TRARG1: variants seen among roughly 807,000 people sequenced by gnomAD.
The protein encoded by TRARG1 is trafficking regulator of GLUT4 1.
In TRARG1, 16 loss-of-function variants were observed where a neutral mutation model predicts 13.3. The ratio of observed to expected loss-of-function variants is 1.20; its 90% confidence interval spans 0.81 to 1.83. The LOEUF (loss-of-function observed/expected upper bound fraction) is 1.83, where lower values mean the gene tolerates loss of function less well. Among genes scored for constraint, TRARG1 ranks in the 40% most tolerant of loss-of-function variants. The pLI is 0.00. For missense variants in TRARG1, 250 were observed against 237.4 expected (o/e 1.05, Z -0.35); for synonymous variants, 113 against 106.2 (o/e 1.06, Z -0.39).
intron 1 of TRARG1, among the ~76,000 whole-genome samples, chr17:1,282,258 A>G (rs2071985724): frequency 1.4e-5 from 2 of 143,970 alleles, no homozygotes; most frequent in Admixed American, 6.7e-5. Context: ...ATATGTACGT[A>G]TATGTACATA....
intron 1 of TRARG1, 140 bp from the exon 2 acceptor site, chr17:1,295,351 C>T (rs2072103065): frequency 8.9e-7 from 1 of 1,125,426 alleles, no homozygotes; most frequent in Non-Finnish European, 1.2e-6. Context: ...TCTTCCTCTC[C>T]CCTAGAGTGT....
chr17:1,287,206 G>A (rs2072030982), intron 1 of TRARG1, among the ~76,000 whole-genome samples: 1 of 151,874 alleles, frequency 6.6e-6, no homozygotes, highest in South Asian at 2.1e-4. Context: ...GTGTAGTTGT[G>A]GAAATGAATT....
chr17:1,290,131 C>G (rs1390063211), intron 1 of TRARG1, among the ~76,000 whole-genome samples: 1 of 152,216 alleles, frequency 6.6e-6, no homozygotes, highest in Admixed American at 6.5e-5. Context: ...CTACTTCCTT[C>G]CAGTCTTTGA....
chr17:1,289,793 C>G (rs1190802642), intron 1 of TRARG1, among the ~76,000 whole-genome samples: 1 of 152,112 alleles, frequency 6.6e-6, no homozygotes, highest in Non-Finnish European at 1.5e-5. Context: ...TTATCCAAGT[C>G]CAGCTACATA....
At chr17:1,281,320 C>T (rs866834206) in intron 1 of TRARG1, among the ~76,000 whole-genome samples, 2 of 151,696 alleles carry the variant, frequency 1.3e-5, no homozygotes, top group South Asian at 2.1e-4. Flanking sequence ...AGGTCAGGGG[C>T]AGGGGGTAGA....
At chr17:1,280,410 AG>A in intron 1 of TRARG1, 22 bp downstream of exon 1, 1 of 1,551,286 alleles carries the variant, frequency 6.4e-7, no homozygotes. Context: ...TCTTTGTTCC[AG>A]GGGCAGGGGC....
At chr17:1,285,588 T>C (rs12941065) in intron 1 of TRARG1, among the ~76,000 whole-genome samples, 36,680 of 150,992 alleles carry the variant, frequency 0.24, 4,747 homozygotes, top group East Asian at 0.4. Flanking sequence ...GCCTGTAATC[T>C]CAGCTACTCT....
At chr17:1,294,288 C>T (rs1396390865) in intron 1 of TRARG1, among the ~76,000 whole-genome samples, 1 of 152,032 alleles carries the variant, frequency 6.6e-6, no homozygotes, top group East Asian at 1.9e-4. Flanking sequence ...TCAGGAAGAA[C>T]AGAGCTCACC....
intron 1 of TRARG1, among the ~76,000 whole-genome samples, chr17:1,286,630 C>T (rs943359743): frequency 7.8e-6 from 1 of 128,092 alleles, no homozygotes; most frequent in Admixed American, 8.3e-5. Context: ...TTGTTTTCGG[C>T]CTGTGGGGTG....
At chr17:1,297,412 AG>A (rs1340763798) in intron 2 of TRARG1, among the ~76,000 whole-genome samples, 3 of 151,962 alleles carry the variant, frequency 2.0e-5, no homozygotes, top group African/African-American at 7.3e-5. Flanking sequence ...TTCAGAATCC[AG>A]GTCCCACACT....
At chr17:1,290,586 G>C (rs2072062277) in intron 1 of TRARG1, among the ~76,000 whole-genome samples, 1 of 152,186 alleles carries the variant, frequency 6.6e-6, no homozygotes, top group Admixed American at 6.5e-5. Context: ...GTGAGCCACT[G>C]CTCCTGGCCG....
chr17:1,292,282 C>T (rs2072074702), intron 1 of TRARG1, among the ~76,000 whole-genome samples: 1 of 152,232 alleles, frequency 6.6e-6, no homozygotes, highest in South Asian at 2.1e-4. Flanking sequence ...TGGCCTCAGC[C>T]ACCATCATCT....
At chr17:1,281,955 C>G (rs182925409) in intron 1 of TRARG1, among the ~76,000 whole-genome samples, 147 of 151,586 alleles carry the variant, frequency 9.7e-4, no homozygotes, top group Middle Eastern at 3.4e-3. Flanking sequence ...TATGCACATA[C>G]ATGTACATAT....
chr17:1,281,362 G>A (rs2071971185), intron 1 of TRARG1, among the ~76,000 whole-genome samples: 3 of 105,860 alleles, frequency 2.8e-5, no homozygotes. Flanking sequence ...CAGGGCCAGA[G>A]GACTAGGTGT....
rs775976018 is a variant in TRARG1, at chr17:1,300,955, T to G, written c.*2691T>G. The stretch of plus-strand genomic sequence containing the variant: ...AGTGACGCCGCTGTGTGTCTTAGCA[T>G]GGAAATAAATAAACCTGAATGTACG... On this transcript the variant is annotated 3_prime_UTR_variant, in exon 3 of 3. Coordinates refer to ENST00000333813, the MANE Select transcript of TRARG1 (RefSeq NM_172367.3). The G allele has an allele frequency of 1.3e-5, 2 of 152,388 alleles. No homozygotes were observed. The highest frequency in any genetic ancestry group is 4.8e-5 in the African/African-American group (2 of 41,460). The allele number at this position is 152,388 out of a possible 1,614,324, so 9.4% of individuals were successfully genotyped here. A position where few individuals can be genotyped will look rare whatever the true frequency, so the allele number is the denominator to read the frequency against.
intron 1 of TRARG1, among the ~76,000 whole-genome samples, chr17:1,283,113 G>A (rs2071995967): frequency 6.6e-6 from 1 of 152,208 alleles, no homozygotes; most frequent in Admixed American, 6.5e-5. Flanking sequence ...CTCTTAAACA[G>A]ATTCTTATGA....
chr17:1,293,974 G>A (rs1340867336), intron 1 of TRARG1, among the ~76,000 whole-genome samples: 1 of 152,140 alleles, frequency 6.6e-6, no homozygotes, highest in Non-Finnish European at 1.5e-5. Context: ...TTAGCAAGCT[G>A]CCTGGCATGA....
chr17:1,282,172 A>G (rs547205520), intron 1 of TRARG1, among the ~76,000 whole-genome samples: 18 of 146,424 alleles, frequency 1.2e-4, no homozygotes, highest in East Asian at 2.0e-4. Flanking sequence ...ATATGTACGT[A>G]TACACGTGCG....
intron 1 of TRARG1, among the ~76,000 whole-genome samples, chr17:1,283,168 G>C (rs1300151727): frequency 6.6e-6 from 1 of 152,136 alleles, no homozygotes; most frequent in Non-Finnish European, 1.5e-5. Flanking sequence ...TTAAGATAAT[G>C]AGCTGGGAAA....
Sources: gnomAD v4.1 joint callset for allele counts (sites outside exome capture counted in the v4.1 genomes callset) on GRCh38, gnomAD v4.1.1 for gene constraint, MANE v1.5 for transcripts, NCBI Gene and HGNC (gene_info 2026-07-23, HGNC 2026-07-21) for gene names.